The following IPCEF1 variants were observed in gnomAD, a reference collection of about 807,000 sequenced individuals.
The protein encoded by IPCEF1 is interaction protein for cytohesin exchange factors 1.
Under a neutral mutation model 50.9 loss-of-function variants are expected in IPCEF1, and 31 were observed. The ratio of observed to expected loss-of-function variants is 0.61; its 90% CI spans 0.46 to 0.82. The LOEUF is 0.82. Among genes scored for constraint, IPCEF1 ranks in the 40% least tolerant of loss-of-function variants. The pLI is 0.00. For synonymous variants in IPCEF1, 181 were observed against 192.0 expected (o/e 0.94, Z 0.47); for missense variants, 458 against 514.0 (o/e 0.89, Z 1.05).
intron 9 of IPCEF1, among the ~76,000 whole-genome samples, chr6:154,205,844 A>G (rs997450736): frequency 3.9e-5 from 6 of 151,970 alleles, no homozygotes; most frequent in Admixed American, 2.0e-4. Context: ...AACACATCAT[A>G]AAGTTTTGTA....
At chr6:154,337,823 C>T (rs905013388) in intron 1 of IPCEF1, among the ~76,000 whole-genome samples, 3 of 152,172 alleles carry the variant, frequency 2.0e-5, no homozygotes, top group African/African-American at 4.8e-5. Context: ...CAAAAGTGAT[C>T]AGGCCCAGGA....
At chr6:154,259,363 G>A (rs938342374) in intron 3 of IPCEF1, among the ~76,000 whole-genome samples, 24 of 152,108 alleles carry the variant, frequency 1.6e-4, no homozygotes, top group Admixed American at 6.5e-4. Flanking sequence ...AAAGAAATAT[G>A]AAATGCGCGC....
At chr6:154,282,539 T>C (rs1405730115) in intron 2 of IPCEF1, among the ~76,000 whole-genome samples, 4 of 151,694 alleles carry the variant, frequency 2.6e-5, no homozygotes, top group South Asian at 2.1e-4. Context: ...ACAAAAAAAT[T>C]AGGCGGGCAC....
chr6:154,209,970 A>G (rs887046553), intron 9 of IPCEF1, among the ~76,000 whole-genome samples: 1 of 152,236 alleles, frequency 6.6e-6, no homozygotes, highest in African/African-American at 2.4e-5. Flanking sequence ...ATTTAAAGAT[A>G]CTTCTGAGTT....
intron 1 of IPCEF1, among the ~76,000 whole-genome samples, chr6:154,333,746 T>C (rs1319384675): frequency 1.3e-5 from 2 of 151,540 alleles, no homozygotes; most frequent in Non-Finnish European, 2.9e-5. Flanking sequence ...TGTATATATA[T>C]GTGTATGTAT....
intron 3 of IPCEF1, among the ~76,000 whole-genome samples, chr6:154,257,995 AC>A (rs1253627023): frequency 6.6e-6 from 1 of 152,054 alleles, no homozygotes; most frequent in Non-Finnish European, 1.5e-5. Context: ...GAGCCACCAT[AC>A]CCAGATAACT....
At chr6:154,175,090 T>C (rs1472306824) in intron 10 of IPCEF1, among the ~76,000 whole-genome samples, 1 of 152,070 alleles carries the variant, frequency 6.6e-6, no homozygotes, top group Non-Finnish European at 1.5e-5. Context: ...AATAACAAAA[T>C]GAAGGCAGAA....
intron 11 of IPCEF1, 82 bp downstream of exon 11, chr6:154,167,838 G>T: frequency 9.5e-7 from 1 of 1,048,206 alleles, no homozygotes; most frequent in South Asian, 1.8e-5. Context: ...AACATGCTGT[G>T]ATTAGCAAGA....
At chr6:154,194,777 T>A (rs978369440) in intron 10 of IPCEF1, among the ~76,000 whole-genome samples, 4 of 150,232 alleles carry the variant, frequency 2.7e-5, no homozygotes, top group Admixed American at 6.6e-5. Flanking sequence ...CATAACTTCA[T>A]GACAACTCAT....
In IPCEF1 at chr6:154,168,740, G is replaced by A. The variant is rs1799634698; in HGVS notation, c.911-627C>T. ...CCTGTCTCAGCCTCCCAAGTAGCTG[G>A]GATTACAGGCACCTGCCACCATGCC... On this transcript the variant is annotated intron_variant, in intron 10 of 11. Coordinates refer to ENST00000367220, the MANE Select transcript of IPCEF1 (RefSeq NM_001130700.2). The surrounding 1 kb of genome is among the most constrained non-coding windows in gnomAD (Gnocchi z 4.1). Among the ~76,000 whole-genome samples, 2 of 151,840 alleles carry A rather than the reference G, an allele frequency of 1.3e-5. No homozygotes were observed. Among genetic ancestry groups the A allele is most frequent in the African/African-American group, 4.8e-5 (2 of 41,320 alleles).
intron 10 of IPCEF1, among the ~76,000 whole-genome samples, chr6:154,194,215 C>T (rs563213015): frequency 2.0e-5 from 3 of 152,286 alleles, no homozygotes; most frequent in East Asian, 1.9e-4. Context: ...GCCTGACCAA[C>T]GTGGTGAAAC....
intron 10 of IPCEF1, among the ~76,000 whole-genome samples, chr6:154,173,971 CT>C (rs1235485012): frequency 2.6e-5 from 4 of 152,330 alleles, no homozygotes; most frequent in Admixed American, 2.0e-4. Context: ...AACAGTGGAT[CT>C]CTCGACAGAA....
chr6:154,329,097 GA>G (rs1562291560), intron 1 of IPCEF1, among the ~76,000 whole-genome samples: 2 of 152,224 alleles, frequency 1.3e-5, no homozygotes, highest in Non-Finnish European at 2.9e-5. Flanking sequence ...CAGGACACAG[GA>G]AAAAAAGTTT....
intron 1 of IPCEF1, among the ~76,000 whole-genome samples, chr6:154,339,836 G>A (rs1047455530): frequency 6.6e-6 from 1 of 151,826 alleles, no homozygotes; most frequent in African/African-American, 2.4e-5. Context: ...GGGCTCAAGC[G>A]AGCCACCCCC....
chr6:154,279,776 G>C (rs972759287), intron 2 of IPCEF1, among the ~76,000 whole-genome samples: 1 of 152,130 alleles, frequency 6.6e-6, no homozygotes, highest in African/African-American at 2.4e-5. Context: ...CATGCATGAG[G>C]CCATGCATCC....
At chr6:154,165,805 T>G (rs911784870) in intron 11 of IPCEF1, among the ~76,000 whole-genome samples, 1 of 152,250 alleles carries the variant, frequency 6.6e-6, no homozygotes, top group Non-Finnish European at 1.5e-5. Flanking sequence ...ACTCACTCAC[T>G]CTCACTGTGT....
intron 1 of IPCEF1, among the ~76,000 whole-genome samples, chr6:154,343,419 A>C (rs1055830981): frequency 3.3e-5 from 5 of 152,230 alleles, no homozygotes; most frequent in Non-Finnish European, 7.3e-5. Context: ...TTTGCCTACA[A>C]AACTCAGGAA....
rs1020953463 is a variant in IPCEF1, at chr6:154,159,737, A to C, written c.*91T>G. ...GCTGATGCTTGAAGGACTGGGTTTC[A>C]GTTTTCCTTTTAAGGAAAAATGTAA... On this transcript the variant is annotated 3_prime_UTR_variant, in exon 12 of 12. Transcript: ENST00000367220. 2.7e-5 allele frequency: 26 copies of C among 974,326 alleles called. No individual in the cohort carries two copies. The Middle Eastern group carries it at 1.3e-3, about 48-fold the overall frequency. The allele number at this position is 974,326 out of a possible 1,614,324, so 60.4% of individuals were successfully genotyped here. A position where few individuals can be genotyped will look rare whatever the true frequency, so the allele number is the denominator to read the frequency against.
chr6:154,324,071 A>G (rs1038591978), intron 1 of IPCEF1, among the ~76,000 whole-genome samples: 1 of 152,364 alleles, frequency 6.6e-6, no homozygotes, highest in African/African-American at 2.4e-5. Flanking sequence ...GTCTACTTTG[A>G]TAAGTTTGAA....
Sources: allele counts gnomAD v4.1 joint callset (sites outside exome capture counted in the v4.1 genomes callset), GRCh38; gene constraint gnomAD v4.1.1; non-coding constraint Gnocchi (gnomAD v3.1); transcripts MANE v1.5; gene names NCBI Gene and HGNC (gene_info 2026-07-23, HGNC 2026-07-21).